The following GRM7 variants were observed in gnomAD, a reference collection of about 807,000 sequenced individuals.
The protein encoded by GRM7 is metabotropic glutamate receptor 7.
In GRM7, 35 loss-of-function variants were observed where a neutral mutation model predicts 84.5. The ratio of observed to expected loss-of-function variants is 0.41; its 90% CI spans 0.32 to 0.55. The LOEUF is 0.55. Ranked by LOEUF, GRM7 falls within the 20% of genes least tolerant of loss-of-function variation. GRM7 has a pLI of 0.19. For synonymous variants in GRM7, 487 were observed against 455.1 expected (o/e 1.07, Z -0.89); for missense variants, 1,003 against 1,194.6 (o/e 0.84, Z 2.36).
chr3:6,931,673 T>C (rs1212426538), intron 1 of GRM7, among the ~76,000 whole-genome samples: 1 of 152,220 alleles, frequency 6.6e-6, no homozygotes, highest in Non-Finnish European at 1.5e-5. Context: ...TTTTGTGCCA[T>C]AGAAATTATA....
chr3:7,238,956 C>T (rs1335381720), intron 2 of GRM7, among the ~76,000 whole-genome samples: 4 of 140,450 alleles, frequency 2.8e-5, no homozygotes, highest in Admixed American at 7.2e-5. Flanking sequence ...TTTCCTTTTC[C>T]TTTTTCTTTT....
chr3:7,570,078 C>T (rs4684552), intron 7 of GRM7, among the ~76,000 whole-genome samples: 34,770 of 151,966 alleles, frequency 0.23, 4,850 homozygotes, highest in Non-Finnish European at 0.29. Context: ...AGGAAAGAAC[C>T]GCCCCCATAA....
At chr3:7,355,225 G>A (rs1187782793) in intron 4 of GRM7, among the ~76,000 whole-genome samples, 1 of 152,114 alleles carries the variant, frequency 6.6e-6, no homozygotes, top group Non-Finnish European at 1.5e-5. Context: ...CTACAAACAA[G>A]GAAGAGGCAC....
intron 1 of GRM7, among the ~76,000 whole-genome samples, chr3:6,930,989 C>A (rs1159994500): frequency 6.6e-6 from 1 of 152,220 alleles, no homozygotes; most frequent in African/African-American, 2.4e-5. Flanking sequence ...TCCTTTCCCA[C>A]TGTCATTACC....
intron 7 of GRM7, among the ~76,000 whole-genome samples, chr3:7,574,178 G>C (rs957646963): frequency 1.3e-5 from 1 of 77,674 alleles, no homozygotes; most frequent in Non-Finnish European, 2.6e-5. Flanking sequence ...TTTTTTTTTT[G>C]AGATGGAGTT....
chr3:7,665,068 G>A (rs1329245606), intron 8 of GRM7, among the ~76,000 whole-genome samples: 1 of 151,992 alleles, frequency 6.6e-6, no homozygotes, highest in Admixed American at 6.5e-5. Flanking sequence ...CACTATTGGT[G>A]GAAAAGATAG....
At chr3:7,101,267 T>G (rs975965455) in intron 1 of GRM7, among the ~76,000 whole-genome samples, 2 of 151,788 alleles carry the variant, frequency 1.3e-5, no homozygotes, top group Non-Finnish European at 2.9e-5. Flanking sequence ...TAACTTTTGA[T>G]ATTGCCAGTA....
At chr3:6,949,832 T>C (rs534430153) in intron 1 of GRM7, among the ~76,000 whole-genome samples, 1 of 152,358 alleles carries the variant, frequency 6.6e-6, no homozygotes, top group African/African-American at 2.4e-5. Flanking sequence ...ATACCCTTTC[T>C]TCCCGTTGAT....
chr3:7,009,815 G>A (rs1695308585), intron 1 of GRM7, among the ~76,000 whole-genome samples: 1 of 152,158 alleles, frequency 6.6e-6, no homozygotes, highest in African/African-American at 2.4e-5. Context: ...GGATCCTTGA[G>A]ATGGGCTTTG....
chr3:6,889,186 A>G (rs1484760641), intron 1 of GRM7, among the ~76,000 whole-genome samples: 1 of 152,084 alleles, frequency 6.6e-6, no homozygotes, highest in Non-Finnish European at 1.5e-5. Context: ...AACAGGGACA[A>G]TTTGACTTCC....
At chr3:7,005,471 C>T (rs1215177792) in intron 1 of GRM7, among the ~76,000 whole-genome samples, 1 of 152,182 alleles carries the variant, frequency 6.6e-6, no homozygotes, top group Non-Finnish European at 1.5e-5. Flanking sequence ...TCAAAGTTTT[C>T]AGTAATACTG....
intron 1 of GRM7, among the ~76,000 whole-genome samples, chr3:6,901,962 A>G (rs1478585116): frequency 6.6e-6 from 1 of 152,132 alleles, no homozygotes; most frequent in Non-Finnish European, 1.5e-5. Flanking sequence ...TTTGATAAGA[A>G]CTTGTCTGTC....
intron 8 of GRM7, among the ~76,000 whole-genome samples, chr3:7,584,690 C>T (rs1289167847): frequency 2.0e-5 from 3 of 152,166 alleles, no homozygotes; most frequent in Non-Finnish European, 2.9e-5. Flanking sequence ...AAAGATGGCA[C>T]TGGTTTGAAG....
chr3:6,941,005 T>C (rs1034432684), intron 1 of GRM7, among the ~76,000 whole-genome samples: 1 of 152,214 alleles, frequency 6.6e-6, no homozygotes, highest in East Asian at 1.9e-4. Flanking sequence ...TTGCTCATTG[T>C]GTTTGCCGCC....
intron 8 of GRM7, among the ~76,000 whole-genome samples, chr3:7,659,113 C>A (rs1469209395): frequency 1.3e-5 from 2 of 152,210 alleles, no homozygotes; most frequent in Non-Finnish European, 2.9e-5. Flanking sequence ...CCCTTCAAGA[C>A]CTGCTCTGAT....
At chr3:6,949,493 T>C (rs1451402253) in intron 1 of GRM7, among the ~76,000 whole-genome samples, 1 of 152,096 alleles carries the variant, frequency 6.6e-6, no homozygotes, top group Non-Finnish European at 1.5e-5. Context: ...TTAACATTTT[T>C]TCCTTCATTT....
At chr3:7,004,219 T>A (rs933148999) in intron 1 of GRM7, among the ~76,000 whole-genome samples, 2 of 152,112 alleles carry the variant, frequency 1.3e-5, no homozygotes, top group African/African-American at 4.8e-5. Flanking sequence ...TTAGTATGGA[T>A]AACAGGAGGT....
intron 5 of GRM7, among the ~76,000 whole-genome samples, chr3:7,422,000 TG>T (rs1246624445): frequency 7.0e-6 from 1 of 143,334 alleles, no homozygotes; most frequent in Non-Finnish European, 1.5e-5. Context: ...GAGGCTGAGG[TG>T]GGAGGATCAC....
rs533827833 is a variant in GRM7, at chr3:7,188,608, A to G, written c.736+41940A>G. ...AGGAATAATGAGAAAAGATATTGGA[A>G]TAAAGGATCTACTTGAGTGTATAAG... On this transcript the variant is annotated intron_variant, in intron 2 of 9. Transcript: ENST00000357716. This position sits in a 1 kb window ranked among gnomAD's most constrained non-coding sequence, Gnocchi z 4.2. Among the ~76,000 whole-genome samples, 3 of 152,308 alleles carry G rather than the reference A, an allele frequency of 2.0e-5. No homozygotes were observed. In the South Asian group the frequency reaches 6.2e-4, roughly 32 times the overall value.
Sources: allele counts gnomAD v4.1 joint callset (sites outside exome capture counted in the v4.1 genomes callset), GRCh38; gene constraint gnomAD v4.1.1; non-coding constraint Gnocchi (gnomAD v3.1); transcripts MANE v1.5; gene names NCBI Gene and HGNC (gene_info 2026-07-23, HGNC 2026-07-21).